FRAS1: variants seen among roughly 807,000 people sequenced by gnomAD.
The protein encoded by FRAS1 is Fraser extracellular matrix complex subunit 1, also known as extracellular matrix organizing protein FRAS1.
Under a neutral mutation model 435.2 loss-of-function variants are expected in FRAS1, and 290 were observed. The ratio of observed to expected loss-of-function variants is 0.67; its 90% CI spans 0.61 to 0.73. The LOEUF is 0.73. Among genes scored for constraint, FRAS1 ranks in the 30% least tolerant of loss-of-function variants. The probability of loss-of-function intolerance (pLI) is 0.00; values close to 1 mark genes in which losing one functional copy is unlikely to be tolerated. For synonymous variants in FRAS1, 1,800 were observed against 1,851.0 expected, an observed-to-expected ratio of 0.97 and a Z score of 0.71; for missense variants, 4,860 against 5,001.5, an observed-to-expected ratio of 0.97 and a Z score of 0.85.
At chr4:78,324,458 A>T (rs1729636958) in intron 18 of FRAS1, among the ~76,000 whole-genome samples, 1 of 144,146 alleles carries the variant, frequency 6.9e-6, no homozygotes, top group Non-Finnish European at 1.5e-5. Context: ...TGTTTATATA[A>T]CACACACACA....
At chr4:78,208,317 C>T (rs1723350306) in intron 2 of FRAS1, among the ~76,000 whole-genome samples, 1 of 152,138 alleles carries the variant, frequency 6.6e-6, no homozygotes, top group African/African-American at 2.4e-5. Flanking sequence ...CTAGATCTTC[C>T]CTCTGACATA....
At position 78,543,566 on chromosome 4, in the gene FRAS1, A is replaced by G. The variant is rs1477224386; in HGVS notation, c.*2442A>G. The G allele has an allele frequency of 6.6e-6, 1 of 152,254 alleles. No homozygotes were observed. The highest frequency in any genetic ancestry group is 2.4e-5 in the African/African-American group (1 of 41,464). The allele number at this position is 152,254 out of a possible 1,614,324, so 9.4% of individuals were successfully genotyped here. ...CTGTGTGTGAAAGGAAAGCCCTTGC[A>G]GTATTTCTGCCTCCCTTTCTTTCTG... On this transcript the variant is annotated 3_prime_UTR_variant, in exon 74 of 74. Coordinates refer to ENST00000512123, the MANE Select transcript of FRAS1 (RefSeq NM_025074.7).
chr4:78,330,735 CA>C (rs1729914809), intron 18 of FRAS1, among the ~76,000 whole-genome samples: 1 of 152,150 alleles, frequency 6.6e-6, no homozygotes, highest in African/African-American at 2.4e-5. Context: ...TGGTTGATTG[CA>C]AAACCCTGTC....
chr4:78,112,379 A>C (rs953398171), intron 2 of FRAS1, among the ~76,000 whole-genome samples: 2 of 152,086 alleles, frequency 1.3e-5, no homozygotes, highest in African/African-American at 4.8e-5. Context: ...GTAGATCTGG[A>C]GATTCATGAG....
intron 51 of FRAS1, among the ~76,000 whole-genome samples, chr4:78,471,848 A>G (rs1719717771): frequency 1.3e-5 from 2 of 152,082 alleles, no homozygotes; most frequent in African/African-American, 2.4e-5. Flanking sequence ...ACTGCCTCCA[A>G]TCCATCCTCC....
intron 41 of FRAS1, among the ~76,000 whole-genome samples, chr4:78,441,659 G>A (rs114470159): frequency 0.026 from 3,944 of 152,192 alleles, 172 homozygotes; most frequent in African/African-American, 0.09. Context: ...GCAGGGGAAG[G>A]GGATTTGGAA....
intron 14 of FRAS1, among the ~76,000 whole-genome samples, chr4:78,287,749 G>A (rs1727679420): frequency 6.6e-6 from 1 of 152,220 alleles, no homozygotes; most frequent in Admixed American, 6.5e-5. Context: ...CTATGTGGAG[G>A]AGGCTGATGG....
At chr4:78,196,966 CAA>C (rs1193636366) in intron 2 of FRAS1, among the ~76,000 whole-genome samples, 2 of 152,108 alleles carry the variant, frequency 1.3e-5, no homozygotes, top group Admixed American at 6.5e-5. Context: ...GTATGAAAAA[CAA>C]GAGAGAGAAG....
chr4:78,423,100 C>G (rs1294666024), intron 34 of FRAS1, among the ~76,000 whole-genome samples: 1 of 152,098 alleles, frequency 6.6e-6, no homozygotes, highest in Non-Finnish European at 1.5e-5. Flanking sequence ...AGTTTTATGT[C>G]CCTACCCTTA....
chr4:78,299,620 C>A (rs1362088407), intron 14 of FRAS1, among the ~76,000 whole-genome samples: 2 of 152,192 alleles, frequency 1.3e-5, no homozygotes, highest in Admixed American at 1.3e-4. Context: ...ATGATTTCAT[C>A]CCCTACAGAT....
At chr4:78,143,928 A>T (rs1297286268) in intron 2 of FRAS1, among the ~76,000 whole-genome samples, 1 of 150,916 alleles carries the variant, frequency 6.6e-6, no homozygotes, top group Non-Finnish European at 1.5e-5. Flanking sequence ...AAAAAAGTTG[A>T]AGTCTAGGAA....
intron 2 of FRAS1, among the ~76,000 whole-genome samples, chr4:78,187,015 A>G (rs17003035): frequency 0.022 from 3,336 of 152,344 alleles, 134 homozygotes; most frequent in African/African-American, 0.077. Context: ...GAGGGAATGC[A>G]TGCATGGATG....
chr4:78,156,083 G>A lies in FRAS1; in HGVS notation c.109-81427G>A, dbSNP rs537267167. Reference sequence around the variant, plus strand: ...AGTCCATGGGTTCAAGCCTTTGGCTGTTTCTGGGCTCTTAGACACTTAGTC... The same window carrying A: ...AGTCCATGGGTTCAAGCCTTTGGCTATTTCTGGGCTCTTAGACACTTAGTC... On this transcript the variant is annotated intron_variant, in intron 2 of 73. Coordinates refer to ENST00000512123, the MANE Select transcript of FRAS1 (RefSeq NM_025074.7). 1.5e-3 allele frequency among the ~76,000 whole-genome samples: 233 copies of A among 152,310 alleles called. 2 individuals carry two copies. Among genetic ancestry groups the A allele is most frequent in the African/African-American group, 5.2e-3 (215 of 41,566 alleles).
chr4:78,533,168 A>G (rs1401124083), intron 70 of FRAS1, among the ~76,000 whole-genome samples: 2 of 152,166 alleles, frequency 1.3e-5, no homozygotes, highest in Non-Finnish European at 2.9e-5. Flanking sequence ...TGTTCTCCTT[A>G]TCACCTGTTA....
intron 2 of FRAS1, among the ~76,000 whole-genome samples, chr4:78,159,957 T>G (rs1721070326): frequency 6.6e-6 from 1 of 152,200 alleles, no homozygotes. Flanking sequence ...CTCTCATTCA[T>G]AAACATTTAG....
chr4:78,375,765 A>T lies in FRAS1; in HGVS notation c.3178A>T (p.Ser1060Cys). Residue 1060 changes from serine (S) to cysteine (C), a missense_variant, in exon 26 of 74, where the codon AGC (serine) becomes TGC (cysteine). By Grantham distance (112) the Ser-to-Cys change is moderately radical. Transcript: ENST00000512123. ...TACPQGCLQC[S>C]HRDRCHLCDH... ...CTGCCCTCAGGGGTGCTTGCAGTGCAGCCACAGGGACCGTTGTCACCTCTG... is the reference window on the plus strand; with the variant it reads ...CTGCCCTCAGGGGTGCTTGCAGTGCTGCCACAGGGACCGTTGTCACCTCTG... 6.2e-7 allele frequency: 1 copy of T among 1,606,548 alleles called. No homozygotes were observed. Among genetic ancestry groups the T allele is most frequent in the Non-Finnish European group, 8.5e-7 (1 of 1,176,122 alleles).
intron 15 of FRAS1, among the ~76,000 whole-genome samples, chr4:78,311,072 A>T (rs947791641): frequency 6.6e-6 from 1 of 152,166 alleles, no homozygotes. Flanking sequence ...TTAAGTATTT[A>T]TGCCATTATG....
intron 2 of FRAS1, among the ~76,000 whole-genome samples, chr4:78,106,270 T>A (rs1742431977): frequency 2.3e-5 from 2 of 85,110 alleles, no homozygotes; most frequent in African/African-American, 9.0e-5. Flanking sequence ...CCTGCCTGCC[T>A]CTGTAGGCTC....
chr4:78,116,790 C>G (rs1027279634), intron 2 of FRAS1, among the ~76,000 whole-genome samples: 1 of 152,174 alleles, frequency 6.6e-6, no homozygotes, highest in East Asian at 1.9e-4. Context: ...ATCCCATTTA[C>G]CAGTCTGTGT....
Sources: gnomAD v4.1 joint callset for allele counts (sites outside exome capture counted in the v4.1 genomes callset) on GRCh38, gnomAD v4.1.1 for gene constraint, MANE v1.5 for transcripts, NCBI Gene and HGNC (gene_info 2026-07-23, HGNC 2026-07-21) for gene names.